RNLS: variants seen among roughly 807,000 people sequenced by gnomAD.
The protein encoded by RNLS is renalase, FAD dependent amine oxidase.
RNLS carries 39 observed loss-of-function variants against 39.8 expected under a neutral mutation model. The observed-to-expected ratio is 0.98, with a 90% CI of 0.76 to 1.28. The LOEUF is 1.28. Ranked by LOEUF, RNLS falls within the 50% of genes most tolerant of loss-of-function variation. RNLS has a pLI of 0.00. For missense variants in RNLS, 410 were observed against 413.3 expected (o/e 0.99, Z 0.07); for synonymous variants, 147 against 150.7 (o/e 0.98, Z 0.18).
chr10:88,294,451 T>A (rs1180389491), intron 6 of RNLS, among the ~76,000 whole-genome samples: 1 of 152,200 alleles, frequency 6.6e-6, no homozygotes, highest in Non-Finnish European at 1.5e-5. Flanking sequence ...AAACAGGTTT[T>A]TTTTTTAAAT....
At chr10:88,342,037 G>T (rs1847995239) in intron 5 of RNLS, among the ~76,000 whole-genome samples, 1 of 151,982 alleles carries the variant, frequency 6.6e-6, no homozygotes, top group Non-Finnish European at 1.5e-5. Context: ...AGTAACTGTG[G>T]TTTTACCATT....
chr10:88,361,983 G>A (rs1190757382), intron 5 of RNLS, among the ~76,000 whole-genome samples: 1 of 152,048 alleles, frequency 6.6e-6, no homozygotes, highest in African/African-American at 2.4e-5. Flanking sequence ...AAAAAGGGTG[G>A]AGTGTAGATT....
chr10:88,199,461 A>T, the RNLS span, among the ~76,000 whole-genome samples: 1 of 152,196 alleles, frequency 6.6e-6, no homozygotes, highest in Admixed American at 6.5e-5. Context: ...CAGTTGTAAC[A>T]ACCAAAAATG....
intron 4 of RNLS, among the ~76,000 whole-genome samples, chr10:88,384,176 C>T (rs564491422): frequency 6.6e-6 from 1 of 152,228 alleles, no homozygotes; most frequent in South Asian, 2.1e-4. Flanking sequence ...AAAATGTTGC[C>T]AATCCCTGAC....
At chr10:88,230,822 C>T in the RNLS span, among the ~76,000 whole-genome samples, 4 of 152,194 alleles carry the variant, frequency 2.6e-5, no homozygotes, top group African/African-American at 9.7e-5. Context: ...CCCAAGAAGT[C>T]TATGGGATTG....
the RNLS span, among the ~76,000 whole-genome samples, chr10:88,237,122 G>GTT: frequency 1.3e-5 from 2 of 150,790 alleles, no homozygotes; most frequent in African/African-American, 4.9e-5. Context: ...TCTAGGGTTG[G>GTT]TTTTTTTTTC....
chr10:88,317,807 A>G (rs981899848), intron 5 of RNLS, among the ~76,000 whole-genome samples: 3 of 152,182 alleles, frequency 2.0e-5, no homozygotes, highest in Non-Finnish European at 2.9e-5. Context: ...GCCCAGGGGA[A>G]AAAGCTGAGA....
chr10:88,352,876 G>A (rs948406237), intron 5 of RNLS, among the ~76,000 whole-genome samples: 4 of 152,186 alleles, frequency 2.6e-5, no homozygotes, highest in Non-Finnish European at 5.9e-5. Context: ...CTCAATTTCA[G>A]AGCCTGTTAT....
chr10:88,491,965 T>G (rs975609770), intron 4 of RNLS, among the ~76,000 whole-genome samples: 41 of 151,386 alleles, frequency 2.7e-4, no homozygotes, highest in Middle Eastern at 6.8e-3. Flanking sequence ...TTGTTTTTTT[T>G]TTTTTTTTTA....
At chr10:88,249,040 C>T in the RNLS span, among the ~76,000 whole-genome samples, 5 of 152,176 alleles carry the variant, frequency 3.3e-5, no homozygotes, top group African/African-American at 4.8e-5. Flanking sequence ...GCCTTCCCTT[C>T]GTCTGCTCTG....
At position 88,285,098 on chromosome 10, in the gene RNLS, C is replaced by T. The variant is rs534234746; in HGVS notation, c.*256G>A. 1.0e-6 allele frequency: 1 copy of T among 999,644 alleles called. No homozygotes were observed. The highest frequency in any genetic ancestry group is 1.7e-5 in the African/African-American group (1 of 57,582). The allele number at this position is 999,644 out of a possible 1,614,324, so 61.9% of individuals were successfully genotyped here. On this transcript the variant is annotated 3_prime_UTR_variant, in exon 7 of 7. Coordinates refer to ENST00000331772, the MANE Select transcript of RNLS (RefSeq NM_001031709.3). ...GTCGTTTGTTATTTTTTAAGTACCA[C>T]TTTTCCTCCAACAAGGAGTAGTCAT...
chr10:88,305,491 T>A (rs1844852598), intron 6 of RNLS, among the ~76,000 whole-genome samples: 1 of 152,020 alleles, frequency 6.6e-6, no homozygotes, highest in Non-Finnish European at 1.5e-5. Flanking sequence ...AATAAAGGGA[T>A]CTACCAAGGA....
intron 4 of RNLS, among the ~76,000 whole-genome samples, chr10:88,394,256 A>G (rs1342383409): frequency 6.6e-6 from 1 of 152,228 alleles, no homozygotes; most frequent in African/African-American, 2.4e-5. Context: ...GTGAACAGGC[A>G]ACCTATAGCA....
intron 4 of RNLS, among the ~76,000 whole-genome samples, chr10:88,367,932 T>G (rs1228861255): frequency 6.6e-6 from 1 of 152,122 alleles, no homozygotes; most frequent in Non-Finnish European, 1.5e-5. Context: ...TAAAACTTCC[T>G]TCCTAAGTGG....
chr10:88,395,589 G>A (rs1292185282), intron 4 of RNLS, among the ~76,000 whole-genome samples: 1 of 151,952 alleles, frequency 6.6e-6, no homozygotes, highest in East Asian at 1.9e-4. Context: ...GAGGAAAAAT[G>A]AACAAAGCCT....
chr10:88,427,394 C>T (rs1224320377), intron 4 of RNLS, among the ~76,000 whole-genome samples: 1 of 152,020 alleles, frequency 6.6e-6, no homozygotes, highest in African/African-American at 2.4e-5. Flanking sequence ...TTTGGATAAT[C>T]CATGTCTCTG....
chr10:88,325,262 C>A (rs762270971), intron 5 of RNLS, among the ~76,000 whole-genome samples: 2 of 152,162 alleles, frequency 1.3e-5, no homozygotes, highest in South Asian at 2.1e-4. Flanking sequence ...ACCAGAAATG[C>A]ACAAGGGTTC....
intron 4 of RNLS, among the ~76,000 whole-genome samples, chr10:88,465,512 G>A (rs1843156059): frequency 6.6e-6 from 1 of 152,126 alleles, no homozygotes; most frequent in Admixed American, 6.6e-5. Flanking sequence ...AGTAAAAAGA[G>A]TGAGGAGAGA....
At chr10:88,392,793 G>A (rs1852286142) in intron 4 of RNLS, among the ~76,000 whole-genome samples, 1 of 152,106 alleles carries the variant, frequency 6.6e-6, no homozygotes, top group Non-Finnish European at 1.5e-5. Flanking sequence ...TACAAAAGCA[G>A]TCAATATAAA....
Sources: allele counts gnomAD v4.1 joint callset (sites outside exome capture counted in the v4.1 genomes callset), GRCh38; gene constraint gnomAD v4.1.1; transcripts MANE v1.5; gene names NCBI Gene and HGNC (gene_info 2026-07-23, HGNC 2026-07-21).